Variants in NDC1 observed in about 807,000 individuals in gnomAD.
NDC1 encodes nucleoporin NDC1.
A neutral mutation model predicts 89.8 loss-of-function variants in NDC1; 24 were observed. That is an observed-to-expected ratio of 0.27 (90% CI 0.19 to 0.38). The LOEUF is 0.38. Among genes scored for constraint, NDC1 ranks in the 10% least tolerant of loss-of-function variants. NDC1 has a pLI of 1.00. For missense variants in NDC1, 728 were observed against 797.6 expected, an observed-to-expected ratio of 0.91 and a Z score of 1.05; for synonymous variants, 296 against 284.8, an observed-to-expected ratio of 1.04 and a Z score of -0.39.
intron 16 of NDC1, among the ~76,000 whole-genome samples, chr1:53,782,784 A>G (rs1292579881): frequency 1.3e-5 from 2 of 152,266 alleles, no homozygotes; most frequent in African/African-American, 4.8e-5. Flanking sequence ...TGTCACCAAC[A>G]GAAATCACCA....
At chr1:53,785,509 A>G (rs1647280659) in intron 16 of NDC1, among the ~76,000 whole-genome samples, 1 of 152,200 alleles carries the variant, frequency 6.6e-6, no homozygotes, top group Non-Finnish European at 1.5e-5. Flanking sequence ...GATGGGTAAG[A>G]TTTTCTAATA....
At chr1:53,817,626 C>G (rs935665027) in intron 6 of NDC1, among the ~76,000 whole-genome samples, 1 of 151,976 alleles carries the variant, frequency 6.6e-6, no homozygotes, top group African/African-American at 2.4e-5. Flanking sequence ...ACCCCAATAA[C>G]TTACAGAAAG....
intron 3 of NDC1, among the ~76,000 whole-genome samples, chr1:53,828,431 T>A (rs1347078229): frequency 6.6e-6 from 1 of 152,054 alleles, no homozygotes; most frequent in Non-Finnish European, 1.5e-5. Context: ...ACATTTTTCA[T>A]TAAAATTTCC....
intron 13 of NDC1, among the ~76,000 whole-genome samples, chr1:53,794,608 G>A (rs1043947884): frequency 6.6e-6 from 1 of 152,138 alleles, no homozygotes; most frequent in Admixed American, 6.6e-5. Flanking sequence ...GGTGGCTCGC[G>A]CCTGTAATTC....
intron 4 of NDC1, among the ~76,000 whole-genome samples, chr1:53,827,786 C>T (rs1648920111): frequency 6.6e-6 from 1 of 152,194 alleles, no homozygotes; most frequent in South Asian, 2.1e-4. Flanking sequence ...ATGTTTGAGT[C>T]ACTCTCATAA....
At chr1:53,786,157 C>G (rs1647300314) in intron 16 of NDC1, among the ~76,000 whole-genome samples, 1 of 152,110 alleles carries the variant, frequency 6.6e-6, no homozygotes, top group African/African-American at 2.4e-5. Context: ...AACTCCTGAG[C>G]TCAGGTGATC....
In NDC1 at chr1:53,784,542, C is replaced by T. The variant is rs1315484522; in HGVS notation, c.1800+2616G>A. On this transcript the variant is annotated intron_variant, in intron 16 of 17. Transcript: ENST00000371429. ...GCGCAGTGGCTCACGCCTATAATCC[C>T]AGCACTTTGGGAGGCCGAGGTAGGT... 2.0e-5 allele frequency among the ~76,000 whole-genome samples: 3 copies of T among 152,290 alleles called. No homozygotes were observed. The East Asian group carries it at 5.8e-4, about 29-fold the overall frequency.
Position 53,792,104 on chromosome 1 carries a change from G to A in NDC1, c.1635+1125C>T, listed in dbSNP as rs1570178865. Among the ~76,000 whole-genome samples the A allele has an allele frequency of 4.0e-5, 6 of 151,786 alleles. No individual in the cohort carries two copies. In the South Asian group the frequency reaches 1.2e-3, roughly 31 times the overall value. ...ACCACAGGCGCCCACCACTGCGCCT[G>A]GCTAATTTTTTGTATTTTTAGTAGA... On this transcript the variant is annotated intron_variant, in intron 14 of 17. Coordinates refer to ENST00000371429, the MANE Select transcript of NDC1 (RefSeq NM_018087.5).
chr1:53,816,645 CAA>C (rs547632909), intron 6 of NDC1, among the ~76,000 whole-genome samples: 1 of 121,432 alleles, frequency 8.2e-6, no homozygotes. Flanking sequence ...AAACAAAAAA[CAA>C]AAAAAAAAAA....
At chr1:53,806,236 T>C (rs1190281625) in intron 9 of NDC1, among the ~76,000 whole-genome samples, 189 bp downstream of exon 9, 1 of 152,234 alleles carries the variant, frequency 6.6e-6, no homozygotes, top group Non-Finnish European at 1.5e-5. Context: ...TACTGTGCAC[T>C]TGCATTTTAG....
chr1:53,795,464 C>T (rs989846479), intron 13 of NDC1, among the ~76,000 whole-genome samples: 5 of 152,140 alleles, frequency 3.3e-5, no homozygotes, highest in African/African-American at 1.2e-4. Flanking sequence ...AAATCAAACT[C>T]CTGATTTCCC....
intron 6 of NDC1, among the ~76,000 whole-genome samples, chr1:53,811,194 G>A (rs1252034072): frequency 6.6e-6 from 1 of 152,214 alleles, no homozygotes; most frequent in African/African-American, 2.4e-5. Flanking sequence ...GACCAGAGGA[G>A]CAGGGAGTAA....
intron 5 of NDC1, among the ~76,000 whole-genome samples, chr1:53,820,079 A>AC (rs1648613256): frequency 6.6e-6 from 1 of 151,926 alleles, no homozygotes. Flanking sequence ...ATGTGGTGAA[A>AC]CCCCGTCTCT....
At chr1:53,823,154 C>T (rs1295911397) in intron 5 of NDC1, among the ~76,000 whole-genome samples, 6 of 152,136 alleles carry the variant, frequency 3.9e-5, no homozygotes, top group African/African-American at 1.2e-4. Context: ...ACTAGTCTTG[C>T]CAAATCTTCA....
intron 16 of NDC1, 145 bp downstream of exon 16, chr1:53,787,013 T>C (rs1198110963): frequency 3.5e-6 from 2 of 568,244 alleles, no homozygotes; most frequent in Non-Finnish European, 6.2e-6. Context: ...TTTTAGATTG[T>C]AATTTCCTGA....
At chr1:53,815,661 T>G (rs1648452114) in intron 6 of NDC1, among the ~76,000 whole-genome samples, 1 of 152,208 alleles carries the variant, frequency 6.6e-6, no homozygotes, top group Non-Finnish European at 1.5e-5. Flanking sequence ...GAAGTCAAAC[T>G]GTCACTGTTT....
intron 8 of NDC1, 58 bp from the exon 9 acceptor site, chr1:53,806,575 C>A: frequency 9.2e-7 from 1 of 1,085,442 alleles, no homozygotes; most frequent in Admixed American, 3.0e-5. Flanking sequence ...ATTCAATAAG[C>A]ATGCACAAAT....
intron 5 of NDC1, 26 bp downstream of exon 5, chr1:53,825,772 A>G (rs575936668): frequency 1.3e-6 from 2 of 1,551,138 alleles, no homozygotes; most frequent in African/African-American, 2.8e-5. Flanking sequence ...AAATTTTGAC[A>G]TCAAGTAATG....
In NDC1 at chr1:53,825,951, T is replaced by C. The variant is rs368327641; in HGVS notation, c.456-15A>G. ...GGCTACCAAAGCTGAAGGGAAAAAA[T>C]TAAGTTATTAATTCAACAGTCAGGG... On this transcript the variant is annotated splice_polypyrimidine_tract_variant and intron_variant, in intron 4 of 17. Transcript: ENST00000371429. The C allele has an allele frequency of 2.2e-5, 35 of 1,609,080 alleles. No individual in the cohort carries two copies. Among genetic ancestry groups the C allele is most frequent in the Non-Finnish European group, 2.8e-5 (33 of 1,178,426 alleles).
Sources: gnomAD v4.1 joint callset for allele counts (sites outside exome capture counted in the v4.1 genomes callset) on GRCh38, gnomAD v4.1.1 for gene constraint, MANE v1.5 for transcripts, NCBI Gene and HGNC (gene_info 2026-07-23, HGNC 2026-07-21) for gene names.